The following CEP135 variants were observed in gnomAD, a reference collection of about 807,000 sequenced individuals.
CEP135 encodes the protein centrosomal protein of 135 kDa.
CEP135 carries 142 observed loss-of-function variants against 157.3 expected under a neutral mutation model. That is an observed-to-expected ratio of 0.90 (90% CI 0.79 to 1.04). The LOEUF is 1.04. Among genes scored for constraint, CEP135 ranks in the 50% least tolerant of loss-of-function variants. CEP135 has a pLI of 0.00. For missense variants in CEP135, 1,317 were observed against 1,309.2 expected, an observed-to-expected ratio of 1.01 and a Z score of -0.09; for synonymous variants, 396 against 439.8, an observed-to-expected ratio of 0.90 and a Z score of 1.25.
In CEP135 at chr4:56,018,802, G is replaced by A. The variant is rs145479903; in HGVS notation, c.3013-551G>A. 8.5e-5 allele frequency among the ~76,000 whole-genome samples: 13 copies of A among 152,172 alleles called. No homozygotes were observed. The East Asian group carries it at 1.9e-3, about 23-fold the overall frequency. ...CTTGAATGAAGGATTGAACAGTTCA[G>A]TGCTTCCGAAGTAGAATATTTTTCC... On this transcript the variant is annotated intron_variant, in intron 22 of 25. Transcript: ENST00000257287.
Position 55,999,593 on chromosome 4 carries a change from T to C in CEP135, c.2228T>C (p.Val743Ala). The change falls in exon 17 of 26, where the codon GTA (valine) becomes GCA (alanine). Residue 743 changes from valine (V) to alanine (A), a missense_variant. Transcript: ENST00000257287. ...GAAAAAGACTTTCTCCAGGAGACTG[T>C]AGATGAGAAGACAGAAAAGATTGCA... is the stretch of plus-strand genomic sequence containing the variant. ...DKEKDFLQET[V>A]DEKTEKIANL... 1 of 1,608,380 alleles carries C rather than the reference T, an allele frequency of 6.2e-7. No homozygotes were observed.
intron 14 of CEP135, among the ~76,000 whole-genome samples, chr4:55,991,223 A>T (rs1729779575): frequency 6.6e-6 from 1 of 151,836 alleles, no homozygotes; most frequent in Admixed American, 6.6e-5. Flanking sequence ...TGATATGCCC[A>T]CCGTGGCCTC....
chr4:56,010,382 G>A (rs965725308), intron 19 of CEP135, among the ~76,000 whole-genome samples: 8 of 149,246 alleles, frequency 5.4e-5, no homozygotes, highest in South Asian at 2.1e-4. Flanking sequence ...AAAAAAATGG[G>A]CAACAGCGTG....
At chr4:56,026,984 G>A (rs189115076) in intron 25 of CEP135, among the ~76,000 whole-genome samples, 42 of 152,276 alleles carry the variant, frequency 2.8e-4, no homozygotes, top group African/African-American at 8.7e-4. Context: ...GTGAACATTA[G>A]TTATGTGCTA....
At chr4:56,027,098 C>T (rs1057419733) in intron 25 of CEP135, among the ~76,000 whole-genome samples, 3 of 152,142 alleles carry the variant, frequency 2.0e-5, no homozygotes, top group African/African-American at 7.2e-5. Flanking sequence ...TTATTTTTCT[C>T]TTTCACTTTG....
intron 14 of CEP135, among the ~76,000 whole-genome samples, chr4:55,991,248 T>G: frequency 6.6e-6 from 1 of 152,078 alleles, no homozygotes; most frequent in Non-Finnish European, 1.5e-5. Flanking sequence ...ATAATAACTT[T>G]ATAGTTTGTT....
intron 21 of CEP135, among the ~76,000 whole-genome samples, chr4:56,015,623 C>A (rs1165690323): frequency 1.3e-5 from 2 of 152,220 alleles, no homozygotes; most frequent in African/African-American, 4.8e-5. Flanking sequence ...GGACTAGTAA[C>A]TCCTTTATTC....
chr4:55,998,771 G>A (rs1293346341), intron 15 of CEP135, among the ~76,000 whole-genome samples: 3 of 152,108 alleles, frequency 2.0e-5, no homozygotes, highest in African/African-American at 7.2e-5. Flanking sequence ...ATGCTGAGGT[G>A]GGAGGATCAC....
intron 15 of CEP135, among the ~76,000 whole-genome samples, chr4:55,992,576 T>C (rs1335634523): frequency 1.3e-5 from 2 of 152,196 alleles, no homozygotes; most frequent in Admixed American, 6.5e-5. Context: ...ATATCAATAG[T>C]GTTCCTTTTA....
chr4:55,984,761 A>G (rs1001577429), intron 13 of CEP135, among the ~76,000 whole-genome samples: 28 of 152,352 alleles, frequency 1.8e-4, no homozygotes, highest in African/African-American at 6.7e-4. Flanking sequence ...ACTTAGCAGC[A>G]GTAAGTTGGA....
chr4:56,006,979 C>T lies in CEP135; in HGVS notation c.2281-1348C>T, dbSNP rs551682152. Among the ~76,000 whole-genome samples, 15 of 152,238 alleles carry T rather than the reference C, an allele frequency of 9.9e-5. No individual in the cohort carries two copies. The South Asian group carries it at 1.0e-3, about 11-fold the overall frequency. ...CATCATCTCAACTCACTGCAACCTC[C>T]GTCTCCTGAGTTCAAGCTATTCTCC... On this transcript the variant is annotated intron_variant, in intron 17 of 25. Transcript: ENST00000257287.
chr4:55,978,085 A>G (rs1421857351), intron 11 of CEP135, among the ~76,000 whole-genome samples: 3 of 152,204 alleles, frequency 2.0e-5, no homozygotes, highest in Admixed American at 1.3e-4. Flanking sequence ...ACAATTATAC[A>G]TTAACACTAA....
chr4:55,987,720 T>C (rs954222846), intron 14 of CEP135, among the ~76,000 whole-genome samples: 2 of 152,192 alleles, frequency 1.3e-5, no homozygotes, highest in African/African-American at 4.8e-5. Context: ...TATTAATTAC[T>C]GGAAAATGTA....
intron 15 of CEP135, among the ~76,000 whole-genome samples, chr4:55,996,115 T>A (rs1037884839): frequency 6.6e-6 from 1 of 152,194 alleles, no homozygotes; most frequent in Non-Finnish European, 1.5e-5. Context: ...AGGTAATTGA[T>A]AACCATTTTA....
intron 8 of CEP135, chr4:55,966,149 T>C: frequency 6.9e-6 from 2 of 291,350 alleles, no homozygotes; most frequent in Non-Finnish European, 1.3e-5. Flanking sequence ...CCTTTATCTA[T>C]GCATTGTGAG....
chr4:55,989,244 CAGA>C (rs954684309), intron 14 of CEP135, among the ~76,000 whole-genome samples: 12 of 152,256 alleles, frequency 7.9e-5, no homozygotes, highest in African/African-American at 1.7e-4. Flanking sequence ...TAAAGAAATG[CAGA>C]AGATCTTTTT....
At chr4:55,968,374 G>GT (rs34188517) in intron 8 of CEP135, among the ~76,000 whole-genome samples, 1,752 of 130,572 alleles carry the variant, frequency 0.013, 24 homozygotes, top group African/African-American at 0.033. Context: ...TCCCAGTGGT[G>GT]TTTTTTTTTT....
intron 3 of CEP135, among the ~76,000 whole-genome samples, chr4:55,953,700 A>G (rs900148928): frequency 6.6e-6 from 1 of 152,182 alleles, no homozygotes; most frequent in Non-Finnish European, 1.5e-5. Flanking sequence ...GGAATATTAA[A>G]TGCTGGATTT....
chr4:55,977,340 A>G (rs769647685), intron 11 of CEP135, among the ~76,000 whole-genome samples: 1 of 152,086 alleles, frequency 6.6e-6, no homozygotes, highest in Non-Finnish European at 1.5e-5. Context: ...CTCACCTTGT[A>G]TTCACCCTGG....
Sources: gnomAD v4.1 joint callset for allele counts (sites outside exome capture counted in the v4.1 genomes callset) on GRCh38, gnomAD v4.1.1 for gene constraint, MANE v1.5 for transcripts, NCBI Gene and HGNC (gene_info 2026-07-23, HGNC 2026-07-21) for gene names.